The following FGF12 variants were observed in gnomAD, a reference collection of about 807,000 sequenced individuals.
The protein encoded by FGF12 is fibroblast growth factor 12B.
Under a neutral mutation model 23.6 loss-of-function variants are expected in FGF12, and 14 were observed. The ratio of observed to expected loss-of-function variants is 0.59; its 90% CI spans 0.39 to 0.93. The LOEUF (loss-of-function observed/expected upper bound fraction) is 0.93, where lower values mean the gene tolerates loss of function less well. Among genes scored for constraint, FGF12 ranks in the 40% least tolerant of loss-of-function variants. FGF12 has a pLI of 0.00. For missense variants in FGF12, 175 were observed against 217.8 expected (o/e 0.80, Z 1.24); for synonymous variants, 62 against 77.3 (o/e 0.80, Z 1.04).
intron 2 of FGF12, among the ~76,000 whole-genome samples, chr3:192,653,686 T>C (rs1003662062): frequency 2.0e-5 from 3 of 150,732 alleles, no homozygotes; most frequent in African/African-American, 7.3e-5. Context: ...AATAAATAAA[T>C]AAAACTCTTT....
At chr3:192,183,274 T>C (rs998096042) in intron 4 of FGF12, among the ~76,000 whole-genome samples, 2 of 152,110 alleles carry the variant, frequency 1.3e-5, no homozygotes, top group African/African-American at 4.8e-5. Context: ...ATCATATCCT[T>C]AGCAGAGCTA....
chr3:192,353,404 C>T (rs1436094976), intron 3 of FGF12, among the ~76,000 whole-genome samples: 1 of 123,512 alleles, frequency 8.1e-6, no homozygotes, highest in Non-Finnish European at 1.6e-5. Context: ...GAGTCTCGCT[C>T]TGTCACCCAG....
chr3:192,418,535 A>T (rs6796445), intron 2 of FGF12, among the ~76,000 whole-genome samples: 2 of 151,924 alleles, frequency 1.3e-5, no homozygotes, highest in African/African-American at 4.8e-5. Flanking sequence ...GGTAGGGAAT[A>T]GAAGGGACAT....
intron 2 of FGF12, among the ~76,000 whole-genome samples, chr3:192,639,473 T>C (rs1715709664): frequency 1.3e-5 from 2 of 152,138 alleles, no homozygotes; most frequent in Admixed American, 6.5e-5. Flanking sequence ...AAAAATGAAC[T>C]CACCACCTTG....
intron 5 of FGF12, among the ~76,000 whole-genome samples, chr3:192,163,507 C>T (rs182442997): frequency 6.6e-6 from 1 of 152,200 alleles, no homozygotes; most frequent in Non-Finnish European, 1.5e-5. Flanking sequence ...TTTAAATCAT[C>T]CATGGCCAGA....
chr3:192,536,010 T>A (rs574094628), intron 2 of FGF12, among the ~76,000 whole-genome samples: 1 of 152,316 alleles, frequency 6.6e-6, no homozygotes, highest in Non-Finnish European at 1.5e-5. Flanking sequence ...GCTTGTAGGG[T>A]AACATTATGT....
intron 4 of FGF12, among the ~76,000 whole-genome samples, chr3:192,265,748 T>C (rs933374346): frequency 1.3e-5 from 2 of 152,100 alleles, no homozygotes; most frequent in African/African-American, 4.8e-5. Context: ...AGGTGAGTAA[T>C]TGTGACAGAG....
intron 2 of FGF12, among the ~76,000 whole-genome samples, chr3:192,455,015 C>T (rs1346709788): frequency 6.6e-6 from 1 of 152,008 alleles, no homozygotes. Flanking sequence ...TAAAAAACTC[C>T]CCCAATTCTC....
intron 2 of FGF12, among the ~76,000 whole-genome samples, chr3:192,367,346 G>A (rs1719028592): frequency 6.6e-6 from 1 of 152,168 alleles, no homozygotes; most frequent in African/African-American, 2.4e-5. Flanking sequence ...AACATTTAAT[G>A]TTGTCCACTT....
chr3:192,673,441 T>C (rs751710294), intron 2 of FGF12, among the ~76,000 whole-genome samples: 4 of 151,022 alleles, frequency 2.6e-5, no homozygotes, highest in Admixed American at 1.3e-4. Context: ...GTTGGTTACA[T>C]AGGTAAACGT....
At chr3:192,268,933 G>T (rs1375837940) in intron 4 of FGF12, among the ~76,000 whole-genome samples, 3 of 151,426 alleles carry the variant, frequency 2.0e-5, no homozygotes, top group Non-Finnish European at 4.4e-5. Context: ...ATTTTTTTGA[G>T]ATGGAGTCTC....
intron 2 of FGF12, among the ~76,000 whole-genome samples, chr3:192,380,005 C>T (rs938269092): frequency 1.3e-5 from 2 of 152,078 alleles, no homozygotes; most frequent in Non-Finnish European, 1.5e-5. Context: ...AACACCACAG[C>T]GTTACATAAC....
At chr3:192,417,357 C>CA (rs35195568) in intron 2 of FGF12, among the ~76,000 whole-genome samples, 11,162 of 131,222 alleles carry the variant, frequency 0.085, 981 homozygotes, top group African/African-American at 0.24. Context: ...AATTCATTAC[C>CA]AAAAAAAAAA....
intron 2 of FGF12, among the ~76,000 whole-genome samples, chr3:192,608,468 G>T (rs987419333): frequency 6.6e-6 from 1 of 151,878 alleles, no homozygotes; most frequent in Admixed American, 6.6e-5. Context: ...AAAAAGGAGA[G>T]GAATATGTAC....
At chr3:192,696,052 T>C (rs1718111203) in intron 2 of FGF12, among the ~76,000 whole-genome samples, 1 of 152,082 alleles carries the variant, frequency 6.6e-6, no homozygotes, top group Non-Finnish European at 1.5e-5. Context: ...TGAGCTGAGA[T>C]CTCACTACTG....
In FGF12 at chr3:192,512,835, A is replaced by AATATATATATATATATATATATATATAT. The variant is rs773570110; in HGVS notation, c.14-152298_14-152297insATATATATATATATATATATATATATAT. ...GTTAAACCTAGAGTATACTCAAATAAATATATATATATATATATATATATA... is the reference window on the plus strand; with the variant it reads ...GTTAAACCTAGAGTATACTCAAATAAATATATATATATATATATATATATATATATATATATATATATATATATATATA... On this transcript the variant is annotated intron_variant, in intron 2 of 5. Transcript: ENST00000445105. Among the ~76,000 whole-genome samples the AATATATATATATATATATATATATATAT allele has an allele frequency of 7.2e-4, 55 of 76,702 alleles. 3 individuals carry two copies. Among genetic ancestry groups the AATATATATATATATATATATATATATAT allele is most frequent in the African/African-American group, 2.8e-3 (44 of 15,644 alleles). 50.3% of individuals were successfully genotyped at this position (76,702 alleles called of 152,430 possible). A position where few individuals can be genotyped will look rare whatever the true frequency, so the allele number is the denominator to read the frequency against.
chr3:192,654,250 C>T (rs376161651), intron 2 of FGF12, among the ~76,000 whole-genome samples: 9 of 152,312 alleles, frequency 5.9e-5, no homozygotes, highest in African/African-American at 2.2e-4. Context: ...GGTTATCTGG[C>T]TGTGCTTCCC....
chr3:192,193,782 TA>T (rs1716924556), intron 4 of FGF12, among the ~76,000 whole-genome samples: 2 of 152,134 alleles, frequency 1.3e-5, no homozygotes, highest in South Asian at 2.1e-4. Flanking sequence ...TTTTTAAGGA[TA>T]TTTTTATTCC....
rs1289110424 is a variant in FGF12, at chr3:192,408,262, C to A, written c.14-47724G>T. ...GGGCCTCAGGCCCCAGCCTCTACTG[C>A]GCCCTCCGGCTTGCGCTCCGCCGGG... is the stretch of plus-strand genomic sequence containing the variant. On this transcript the variant is annotated intron_variant, in intron 2 of 5. Coordinates refer to ENST00000445105, the MANE Select transcript of FGF12 (RefSeq NM_004113.6). The surrounding 1 kb of genome is among the most constrained non-coding windows in gnomAD (Gnocchi z 7.3). 1.3e-6 allele frequency: 2 copies of A among 1,533,476 alleles called. No homozygotes were observed. The highest frequency in any genetic ancestry group is 2.3e-5 in the East Asian group (1 of 43,128). 95.0% of individuals were successfully genotyped at this position (1,533,476 alleles called of 1,614,324 possible). A position where few individuals can be genotyped will look rare whatever the true frequency, so the allele number is the denominator to read the frequency against.
Sources: gnomAD v4.1 joint callset for allele counts (sites outside exome capture counted in the v4.1 genomes callset) on GRCh38, gnomAD v4.1.1 for gene constraint, Gnocchi (gnomAD v3.1) non-coding constraint, MANE v1.5 for transcripts, NCBI Gene and HGNC (gene_info 2026-07-23, HGNC 2026-07-21) for gene names.